SIPA1L2: variants seen among roughly 807,000 people sequenced by gnomAD.
The protein encoded by SIPA1L2 is signal induced proliferation associated 1 like 2, also known as signal-induced proliferation-associated 1-like protein 2.
SIPA1L2 carries 56 observed loss-of-function variants against 163.9 expected under a neutral mutation model. That is an observed-to-expected ratio of 0.34 (90% confidence interval 0.28 to 0.43). The LOEUF (loss-of-function observed/expected upper bound fraction) is 0.43. SIPA1L2 is among the 20% of genes least tolerant of loss of function. The pLI is 1.00. For synonymous variants in SIPA1L2, 877 were observed against 865.7 expected (o/e 1.01, Z -0.23); for missense variants, 1,974 against 2,193.5 (o/e 0.90, Z 2.00).
At chr1:232,493,836 C>CA (rs1209147350) in intron 3 of SIPA1L2, among the ~76,000 whole-genome samples, 176 bp from the exon 4 acceptor site, 1 of 152,224 alleles carries the variant, frequency 6.6e-6, no homozygotes, top group East Asian at 1.9e-4. Flanking sequence ...TGCACGCCTA[C>CA]ATCTCATTTT....
chr1:232,436,380 G>A (rs1662563070), intron 15 of SIPA1L2, among the ~76,000 whole-genome samples: 1 of 152,128 alleles, frequency 6.6e-6, no homozygotes, highest in African/African-American at 2.4e-5. Flanking sequence ...TTTAGGGGTG[G>A]GTGCTGTGAA....
intron 18 of SIPA1L2, among the ~76,000 whole-genome samples, chr1:232,416,651 GAT>G (rs947362057): frequency 2.6e-5 from 4 of 152,180 alleles, no homozygotes; most frequent in African/African-American, 9.7e-5. Flanking sequence ...AATACCAATT[GAT>G]TATAAAAATG....
chr1:232,624,754 GAC>G (rs1662988113), intron 1 of SIPA1L2, among the ~76,000 whole-genome samples: 1 of 152,186 alleles, frequency 6.6e-6, no homozygotes, highest in Non-Finnish European at 1.5e-5. Context: ...CAGAGTTCAA[GAC>G]ACCCCTTTTG....
intron 1 of SIPA1L2, among the ~76,000 whole-genome samples, chr1:232,596,316 T>C (rs1383648181): frequency 6.6e-6 from 1 of 152,078 alleles, no homozygotes; most frequent in Non-Finnish European, 1.5e-5. Flanking sequence ...TAGAAAAGCC[T>C]CCCCAACACT....
At chr1:232,460,710 T>G (rs1173087662) in intron 10 of SIPA1L2, among the ~76,000 whole-genome samples, 177 bp downstream of exon 10, 1 of 152,246 alleles carries the variant, frequency 6.6e-6, no homozygotes, top group Non-Finnish European at 1.5e-5. Flanking sequence ...AAGCTCCTTT[T>G]CAATTCCTCG....
At chr1:232,459,279 C>T (rs933906606) in intron 10 of SIPA1L2, among the ~76,000 whole-genome samples, 1 of 152,098 alleles carries the variant, frequency 6.6e-6, no homozygotes, top group African/African-American at 2.4e-5. Flanking sequence ...AGTTCATGTA[C>T]GTAATAGCCA....
intron 1 of SIPA1L2, among the ~76,000 whole-genome samples, chr1:232,574,944 A>G (rs7549734): frequency 0.021 from 3,148 of 152,340 alleles, 115 homozygotes; most frequent in African/African-American, 0.07. Flanking sequence ...TTCCTGGTTG[A>G]GGAAACTGGC....
intron 18 of SIPA1L2, among the ~76,000 whole-genome samples, chr1:232,421,278 C>T (rs1313884301): frequency 1.3e-5 from 2 of 152,212 alleles, no homozygotes; most frequent in African/African-American, 4.8e-5. Flanking sequence ...GGGGTAGTAT[C>T]AGGGAACCAC....
intron 2 of SIPA1L2, among the ~76,000 whole-genome samples, chr1:232,559,691 A>G (rs1367166141): frequency 6.6e-6 from 1 of 152,200 alleles, no homozygotes; most frequent in Non-Finnish European, 1.5e-5. Flanking sequence ...GGTGTTGACA[A>G]TTGAGGAGAT....
Position 232,563,649 on chromosome 1 carries a change from G to C in SIPA1L2, c.-270+10525C>G, listed in dbSNP as rs142109322. Among the ~76,000 whole-genome samples the C allele has an allele frequency of 5.2e-3, 787 of 152,316 alleles. 7 individuals are homozygous for C. Among genetic ancestry groups the C allele is most frequent in the East Asian group, 0.05 (261 of 5,176 alleles). On this transcript the variant is annotated intron_variant, in intron 2 of 22. Transcript: ENST00000674635. ...GGAAAATACAGATGTTGGAAATTCA[G>C]TTTTAACTCAGTTTTAAGTTTCTGA...
Position 232,493,663 on chromosome 1 carries a change from A to AT in SIPA1L2, c.1484-4dup, listed in dbSNP as rs766433798. The AT allele has an allele frequency of 6.2e-7, 1 of 1,613,962 alleles. No individual in the cohort carries two copies. Among genetic ancestry groups the AT allele is most frequent in the Non-Finnish European group, 8.5e-7 (1 of 1,179,940 alleles). ...TATTCCAAAGTAGTTTTGGTGCTCTATAATGGAAGAGAGAGGGTGGCATCA... is the reference window on the plus strand; with the variant it reads ...TATTCCAAAGTAGTTTTGGTGCTCTATTAATGGAAGAGAGAGGGTGGCATCA... On this transcript the variant is annotated splice_region_variant and splice_polypyrimidine_tract_variant and intron_variant, in intron 3 of 22. Transcript: ENST00000674635.
In SIPA1L2 at chr1:232,441,827, G is replaced by A. The variant is rs1406639665; in HGVS notation, c.3479C>T (p.Pro1160Leu). The A allele has an allele frequency of 1.9e-6, 3 of 1,613,730 alleles. No homozygotes were observed. Among genetic ancestry groups the A allele is most frequent in the Non-Finnish European group, 2.5e-6 (3 of 1,179,902 alleles). ...CTCCCTGGCTCCGTCACATTCCAAA[G>A]GGCCTGAGCCCTGGTGTTCGAGCAG... Reference protein sequence around the residue: ...PLLLEHQGSGPLECDGARERE... With the variant: ...PLLLEHQGSGLLECDGARERE... Residue 1160 changes from proline to leucine, a missense_variant, in exon 13 of 23, where the codon CCT becomes CTT. Around this residue, in one of 3 missense-constraint regions of SIPA1L2, gnomAD observed 1,079 missense variants for 1,150.7 expected, o/e 0.94. Coordinates refer to ENST00000674635, the MANE Select transcript of SIPA1L2 (RefSeq NM_020808.5).
chr1:232,424,285 T>G (rs1009912761), intron 18 of SIPA1L2, among the ~76,000 whole-genome samples: 1 of 125,876 alleles, frequency 7.9e-6, no homozygotes, highest in Non-Finnish European at 1.6e-5. Context: ...AACCTAAAAC[T>G]GCTCTAAGAA....
At chr1:232,448,730 A>G (rs2102882046) in intron 10 of SIPA1L2, among the ~76,000 whole-genome samples, 2 of 152,320 alleles carry the variant, frequency 1.3e-5, no homozygotes, top group Admixed American at 1.3e-4. Flanking sequence ...AGCACCAAGC[A>G]CTGCAAAAGG....
chr1:232,572,710 T>TATACACAC (rs1659817236), intron 2 of SIPA1L2, among the ~76,000 whole-genome samples: 2 of 76,076 alleles, frequency 2.6e-5, no homozygotes, highest in African/African-American at 9.5e-5. Context: ...TATATATATA[T>TATACACAC]ATATATACAC....
In SIPA1L2 at chr1:232,441,769, C is replaced by T. The variant is rs564475184; in HGVS notation, c.3537G>A (p.Pro1179=). 112 of 1,613,450 alleles carry T rather than the reference C, an allele frequency of 6.9e-5. No homozygotes were observed. Among genetic ancestry groups the T allele is most frequent in the South Asian group, 4.6e-4 (42 of 90,902 alleles). The change falls in exon 13 of 23, where the codon CCG becomes CCA. Residue 1179 remains proline, a splice_region_variant and synonymous_variant. Transcript: ENST00000674635. ...REDTMEASRH[P]ETKWHGPPSK... ...CAATTTCCAGGAGTTCCTTATTACC[C>T]GGGTGCCTGCTTGCTTCCATGGTGT...
intron 10 of SIPA1L2, among the ~76,000 whole-genome samples, chr1:232,455,698 G>A (rs1452917723): frequency 1.6e-5 from 2 of 128,434 alleles, no homozygotes; most frequent in East Asian, 2.5e-4. Context: ...CTGGGCAACA[G>A]AGCGAGACTC....
chr1:232,487,176 A>G (rs1665685066), intron 5 of SIPA1L2, among the ~76,000 whole-genome samples: 1 of 152,170 alleles, frequency 6.6e-6, no homozygotes, highest in Non-Finnish European at 1.5e-5. Flanking sequence ...CCCACGTCCC[A>G]TTTTCTTTCT....
At position 232,398,898 on chromosome 1, in the gene SIPA1L2, T is replaced by A. The variant is rs978188823; in HGVS notation, c.*229A>T. On this transcript the variant is annotated 3_prime_UTR_variant, in exon 23 of 23. Transcript: ENST00000674635. ...CAACTGTCGCCAGGGTTTACATTCA[T>A]CTTCACACCAGGAGTTACATTCATT... The A allele has an allele frequency of 9.5e-6, 5 of 526,686 alleles. No individual in the cohort carries two copies. Among genetic ancestry groups the A allele is most frequent in the Non-Finnish European group, 1.7e-5 (5 of 300,882 alleles). The allele number at this position is 526,686 out of a possible 1,614,324, so 32.6% of individuals were successfully genotyped here. A position where few individuals can be genotyped will look rare whatever the true frequency, so the allele number is the denominator to read the frequency against.
Sources: gnomAD v4.1 joint callset for allele counts (sites outside exome capture counted in the v4.1 genomes callset) on GRCh38, gnomAD v4.1.1 for gene constraint, gnomAD v4.1.1 regional missense constraint, MANE v1.5 for transcripts, NCBI Gene and HGNC (gene_info 2026-07-23, HGNC 2026-07-21) for gene names.